The following FAM107B variants were observed in gnomAD, a reference collection of about 807,000 sequenced individuals.
FAM107B encodes the protein protein FAM107B.
FAM107B carries 21 observed loss-of-function variants against 31.5 expected under a neutral mutation model. The observed-to-expected ratio is 0.67, with a 90% CI of 0.47 to 0.96. FAM107B has a LOEUF of 0.96. Ranked by LOEUF, FAM107B falls within the 40% of genes least tolerant of loss-of-function variation. FAM107B has a pLI of 0.00. For missense variants in FAM107B, 452 were observed against 377.1 expected (o/e 1.20, Z -1.64); for synonymous variants, 157 against 141.5 (o/e 1.11, Z -0.78).
chr10:14,649,833 AT>A (rs750377636), intron 2 of FAM107B, among the ~76,000 whole-genome samples: 2 of 152,134 alleles, frequency 1.3e-5, no homozygotes, highest in African/African-American at 4.8e-5. Context: ...ATCTCTTCAA[AT>A]TTTTTATAGA....
At chr10:14,726,071 G>T (rs1856028567) in intron 1 of FAM107B, among the ~76,000 whole-genome samples, 1 of 151,676 alleles carries the variant, frequency 6.6e-6, no homozygotes, top group Non-Finnish European at 1.5e-5. Context: ...TCAGCTCACT[G>T]CAACCTCCGC....
intron 2 of FAM107B, chr10:14,572,014 G>A: frequency 2.0e-6 from 2 of 985,366 alleles, no homozygotes; most frequent in African/African-American, 1.7e-5. Context: ...TAGTTCCTTA[G>A]AGCGGTGAAG....
At position 14,599,162 on chromosome 10, in the gene FAM107B, T is replaced by C. The variant is rs557166300; in HGVS notation, c.469+68472A>G. On this transcript the variant is annotated intron_variant, in intron 2 of 4. Coordinates refer to ENST00000181796, the MANE Select transcript of FAM107B (RefSeq NM_031453.4). The stretch of plus-strand genomic sequence containing the variant: ...AAGAGCCAGTCTGCAACCTGCATTT[T>C]TTCTACCTTGTTTCTACGGGAGACT... Among the ~76,000 whole-genome samples, 4 of 152,320 alleles carry C rather than the reference T, an allele frequency of 2.6e-5. No homozygotes were observed. In the East Asian group the frequency reaches 7.7e-4, roughly 29 times the overall value.
intron 2 of FAM107B, among the ~76,000 whole-genome samples, chr10:14,537,038 A>G (rs1301183551): frequency 6.6e-6 from 1 of 152,136 alleles, no homozygotes; most frequent in Non-Finnish European, 1.5e-5. Context: ...GAAACATCCG[A>G]CAGACATCTG....
At chr10:14,709,502 C>T (rs1052390328) in intron 1 of FAM107B, among the ~76,000 whole-genome samples, 1 of 152,166 alleles carries the variant, frequency 6.6e-6, no homozygotes, top group Admixed American at 6.5e-5. Context: ...TCTTGTGAGA[C>T]TTATTCACTA....
chr10:14,680,050 T>C (rs149340306), intron 1 of FAM107B, among the ~76,000 whole-genome samples: 2 of 152,296 alleles, frequency 1.3e-5, no homozygotes, highest in African/African-American at 2.4e-5. Flanking sequence ...CTCCCCTTTA[T>C]ATGTTCAGCA....
At chr10:14,767,460 A>T (rs1391866385) in intron 1 of FAM107B, among the ~76,000 whole-genome samples, 1 of 152,130 alleles carries the variant, frequency 6.6e-6, no homozygotes, top group Non-Finnish European at 1.5e-5. Flanking sequence ...CATATTAAAA[A>T]GATTACACCG....
intron 1 of FAM107B, among the ~76,000 whole-genome samples, chr10:14,710,723 AAAAT>A (rs925245326): frequency 1.1e-4 from 16 of 152,188 alleles, no homozygotes; most frequent in African/African-American, 3.6e-4. Context: ...CAAAAAGTAA[AAAAT>A]AAATTTTTTT....
chr10:14,694,535 CACT>C lies in FAM107B; in HGVS notation c.412-26847_412-26845del, dbSNP rs140301500. On this transcript the variant is annotated intron_variant, in intron 1 of 4. Transcript: ENST00000181796. ...AGTAGCTGGGATTACAGGCATGCGC[CACT>C]ATGCCCGGCTAATTTTGTATTTTTA... Among the ~76,000 whole-genome samples, 308 of 152,294 alleles carry C rather than the reference CACT, an allele frequency of 2.0e-3. 2 individuals carry two copies. The highest frequency in any genetic ancestry group is 7.1e-3 in the African/African-American group (295 of 41,554).
chr10:14,604,122 C>CCCCCCCCG, intron 2 of FAM107B: 9 of 523,692 alleles, frequency 1.7e-5, no homozygotes, highest in Non-Finnish European at 2.2e-5. Flanking sequence ...GGACCCCCCA[C>CCCCCCCCG]CCGCCCGGCC....
chr10:14,754,949 C>G (rs532479634), intron 1 of FAM107B, among the ~76,000 whole-genome samples: 2 of 152,288 alleles, frequency 1.3e-5, no homozygotes, highest in East Asian at 3.9e-4. Context: ...GTTCTTAACA[C>G]CAAGCTTGGA....
At chr10:14,562,263 T>G (rs1365459737) in intron 2 of FAM107B, among the ~76,000 whole-genome samples, 1 of 152,202 alleles carries the variant, frequency 6.6e-6, no homozygotes, top group Admixed American at 6.5e-5. Context: ...TATTAGAATA[T>G]GCAATTAAGT....
At chr10:14,575,073 A>C (rs1366743550) in intron 2 of FAM107B, among the ~76,000 whole-genome samples, 6 of 152,244 alleles carry the variant, frequency 3.9e-5, no homozygotes, top group Non-Finnish European at 8.8e-5. Flanking sequence ...TATCTGTATG[A>C]GTCAATAATA....
chr10:14,749,864 C>T (rs979244650), intron 1 of FAM107B, among the ~76,000 whole-genome samples: 9 of 152,162 alleles, frequency 5.9e-5, no homozygotes, highest in Non-Finnish European at 1.2e-4. Flanking sequence ...GCCACTAGCA[C>T]GTCCACAAAG....
At chr10:14,720,716 T>C (rs1324403736) in intron 1 of FAM107B, among the ~76,000 whole-genome samples, 4 of 152,176 alleles carry the variant, frequency 2.6e-5, no homozygotes, top group African/African-American at 9.7e-5. Context: ...TTCTAGAAGT[T>C]CCCAGGCAAA....
At chr10:14,526,462 C>T (rs530789183) in intron 3 of FAM107B, among the ~76,000 whole-genome samples, 5 of 152,174 alleles carry the variant, frequency 3.3e-5, no homozygotes, top group East Asian at 1.9e-4. Flanking sequence ...AGGCGTGAGC[C>T]GCCGCGCTGG....
chr10:14,559,172 G>A lies in FAM107B; in HGVS notation c.470-28657C>T, dbSNP rs905508023. On this transcript the variant is annotated intron_variant, in intron 2 of 4. Coordinates refer to ENST00000181796, the MANE Select transcript of FAM107B (RefSeq NM_031453.4). ...AGCACAGGGAGCAGAGAAGAGAATC[G>A]ATCAAGATCAGCCACAAGTACAACA... Among the ~76,000 whole-genome samples the A allele has an allele frequency of 3.3e-5, 5 of 150,894 alleles. No homozygotes were observed. In the East Asian group the frequency reaches 5.8e-4, roughly 18 times the overall value.
intron 3 of FAM107B, among the ~76,000 whole-genome samples, chr10:14,526,574 C>T (rs1846258556): frequency 6.6e-6 from 1 of 152,194 alleles, no homozygotes; most frequent in Non-Finnish European, 1.5e-5. Context: ...GATTGGAACA[C>T]AAATACTTGT....
chr10:14,629,517 A>ATT, intron 2 of FAM107B, among the ~76,000 whole-genome samples: 1 of 115,926 alleles, frequency 8.6e-6, no homozygotes, highest in Non-Finnish European at 1.7e-5. Flanking sequence ...ATATATATAT[A>ATT]TATATTTTTT....
Sources: allele counts gnomAD v4.1 joint callset (sites outside exome capture counted in the v4.1 genomes callset), GRCh38; gene constraint gnomAD v4.1.1; transcripts MANE v1.5; gene names NCBI Gene and HGNC (gene_info 2026-07-23, HGNC 2026-07-21).